HDAC9: variants seen among roughly 807,000 people sequenced by gnomAD.
The protein encoded by HDAC9 is MEF-2 interacting transcription repressor (MITR) protein.
In HDAC9, 41 loss-of-function variants were observed where a neutral mutation model predicts 139.4. The observed-to-expected ratio is 0.29, with a 90% CI of 0.23 to 0.38. The LOEUF is 0.38. HDAC9 is among the 10% of genes least tolerant of loss of function. The probability of loss-of-function intolerance (pLI) is 1.00; values close to 1 mark genes in which losing one functional copy is unlikely to be tolerated. For synonymous variants in HDAC9, 517 were observed against 476.2 expected, an observed-to-expected ratio of 1.09 and a Z score of -1.12; for missense variants, 1,147 against 1,297.0, an observed-to-expected ratio of 0.88 and a Z score of 1.78.
At chr7:18,823,652 AAGGTC>A (rs1290971164) in intron 17 of HDAC9, among the ~76,000 whole-genome samples, 3 of 152,084 alleles carry the variant, frequency 2.0e-5, no homozygotes, top group African/African-American at 7.2e-5. Context: ...ATGCGGTCTT[AAGGTC>A]CCCAGTGAGA....
chr7:18,334,203 G>A (rs933051648), intron 1 of HDAC9, among the ~76,000 whole-genome samples: 2 of 151,340 alleles, frequency 1.3e-5, no homozygotes, highest in African/African-American at 4.8e-5. Context: ...TCTAAAACCT[G>A]ACAGAATATC....
At position 18,732,676 on chromosome 7, in the gene HDAC9, T is replaced by C. The variant is rs1324082968; in HGVS notation, c.1909+4919T>C. Among the ~76,000 whole-genome samples, 13 of 130,042 alleles carry C rather than the reference T, an allele frequency of 1.0e-4. 2 individuals are homozygous for C. The highest frequency in any genetic ancestry group is 6.6e-4 in the South Asian group (3 of 4,518). The allele number at this position is 130,042 out of a possible 152,430, so 85.3% of individuals were successfully genotyped here. On this transcript the variant is annotated intron_variant, in intron 13 of 25. Coordinates refer to ENST00000686413, the MANE Select transcript of HDAC9 (RefSeq NM_178425.4). ...ATATACACACACACGTGTATATGTG[T>C]GCGTATGTGTACACACACACACGTG...
chr7:18,903,200 T>C (rs1232556812), intron 22 of HDAC9, among the ~76,000 whole-genome samples: 2 of 152,234 alleles, frequency 1.3e-5, no homozygotes, highest in Non-Finnish European at 2.9e-5. Flanking sequence ...TGGAACTAAA[T>C]AAACCTGCAT....
At chr7:18,988,655 C>G (rs1785589107) in intron 25 of HDAC9, among the ~76,000 whole-genome samples, 1 of 151,964 alleles carries the variant, frequency 6.6e-6, no homozygotes, top group Non-Finnish European at 1.5e-5. Flanking sequence ...CTAATGTTGA[C>G]AGTGGGGTGT....
At chr7:18,587,629 C>T (rs889352746) in intron 3 of HDAC9, among the ~76,000 whole-genome samples, 6 of 152,150 alleles carry the variant, frequency 3.9e-5, no homozygotes, top group East Asian at 3.8e-4. Context: ...CATTTTTCCA[C>T]CTAGTGAACT....
intron 24 of HDAC9, among the ~76,000 whole-genome samples, chr7:18,968,118 C>T (rs1038264774): frequency 6.6e-6 from 1 of 152,008 alleles, no homozygotes; most frequent in African/African-American, 2.4e-5. Context: ...GCCGAGATCG[C>T]GCCATTGCAC....
At chr7:18,601,755 A>G (rs1215814368) in intron 6 of HDAC9, among the ~76,000 whole-genome samples, 2 of 152,156 alleles carry the variant, frequency 1.3e-5, no homozygotes, top group Non-Finnish European at 2.9e-5. Flanking sequence ...AAGCCATTTG[A>G]TGTGATGGTT....
At chr7:18,451,963 T>A (rs1792911712) in intron 1 of HDAC9, among the ~76,000 whole-genome samples, 1 of 152,116 alleles carries the variant, frequency 6.6e-6, no homozygotes, top group Admixed American at 6.6e-5. Flanking sequence ...TTATGGTAGA[T>A]CCATATCCCA....
At chr7:18,623,932 C>T (rs931085296) in intron 6 of HDAC9, among the ~76,000 whole-genome samples, 6 of 152,092 alleles carry the variant, frequency 3.9e-5, no homozygotes, top group African/African-American at 1.4e-4. Flanking sequence ...GAGCAAGACT[C>T]CATTGCAGGG....
At chr7:18,265,506 G>C (rs1052020048) in intron 2 of HDAC9, among the ~76,000 whole-genome samples, 1 of 152,136 alleles carries the variant, frequency 6.6e-6, no homozygotes, top group Non-Finnish European at 1.5e-5. Context: ...GTTACAAAGA[G>C]TCTATGCACA....
At chr7:18,515,218 CCTT>C (rs1802790314) in intron 2 of HDAC9, among the ~76,000 whole-genome samples, 1 of 152,102 alleles carries the variant, frequency 6.6e-6, no homozygotes, top group Non-Finnish European at 1.5e-5. Context: ...AGTATTTTTT[CCTT>C]CTTCCTCATT....
chr7:18,415,174 C>T (rs1788934270), intron 1 of HDAC9, among the ~76,000 whole-genome samples: 1 of 152,140 alleles, frequency 6.6e-6, no homozygotes, highest in African/African-American at 2.4e-5. Context: ...ACTGCTCTTT[C>T]TAATGGCGTT....
At chr7:18,562,779 G>A (rs1429988194) in intron 2 of HDAC9, among the ~76,000 whole-genome samples, 1 of 151,920 alleles carries the variant, frequency 6.6e-6, no homozygotes, top group African/African-American at 2.4e-5. Flanking sequence ...TATGTCAATT[G>A]CCAGGAAAAA....
chr7:18,299,986 G>T (rs1019296047), intron 1 of HDAC9, among the ~76,000 whole-genome samples: 28 of 152,230 alleles, frequency 1.8e-4, no homozygotes, highest in African/African-American at 6.5e-4. Flanking sequence ...AGCAGTTGAG[G>T]TCCTAAGAGA....
intron 1 of HDAC9, among the ~76,000 whole-genome samples, chr7:18,118,459 C>A (rs1205830644): frequency 1.3e-5 from 2 of 152,092 alleles, no homozygotes; most frequent in Non-Finnish European, 2.9e-5. Context: ...TATAAAAATT[C>A]TTTCTTCATT....
At chr7:18,657,611 T>A (rs886131858) in intron 11 of HDAC9, among the ~76,000 whole-genome samples, 1 of 152,126 alleles carries the variant, frequency 6.6e-6, no homozygotes, top group African/African-American at 2.4e-5. Context: ...AAACTGCTTA[T>A]TTTTGTCCTA....
intron 22 of HDAC9, among the ~76,000 whole-genome samples, chr7:18,896,030 C>T (rs145661278): frequency 6.2e-4 from 94 of 152,158 alleles, no homozygotes; most frequent in African/African-American, 2.2e-3. Flanking sequence ...GGAGCAGCTG[C>T]AGTTTTCATT....
Position 18,998,900 on chromosome 7 carries a change from T to TA in HDAC9, c.*2843dup. The TA allele has an allele frequency of 6.6e-6, 1 of 152,312 alleles. No individual in the cohort carries two copies. Among genetic ancestry groups the TA allele is most frequent in the African/African-American group, 2.4e-5 (1 of 41,574 alleles). 9.4% of individuals were successfully genotyped at this position (152,312 alleles called of 1,614,324 possible). ...CAAACGTAGGTATAAAAAGAAGGCTTAAAAATTAATTTTCCCAATTGTATA... is the reference window on the plus strand; with the variant it reads ...CAAACGTAGGTATAAAAAGAAGGCTTAAAAAATTAATTTTCCCAATTGTATA... On this transcript the variant is annotated 3_prime_UTR_variant, in exon 26 of 26. Transcript: ENST00000686413.
chr7:18,152,382 T>G (rs1330055664), intron 1 of HDAC9, among the ~76,000 whole-genome samples: 1 of 152,196 alleles, frequency 6.6e-6, no homozygotes, highest in African/African-American at 2.4e-5. Context: ...GACTCCAAAG[T>G]CAGGGTTCTT....
Sources: allele counts gnomAD v4.1 joint callset (sites outside exome capture counted in the v4.1 genomes callset), GRCh38; gene constraint gnomAD v4.1.1; transcripts MANE v1.5; gene names NCBI Gene and HGNC (gene_info 2026-07-23, HGNC 2026-07-21).